The following BCL2 variants were observed in gnomAD, a reference collection of about 807,000 sequenced individuals.
The protein encoded by BCL2 is BCL2 apoptosis regulator, also known as apoptosis regulator Bcl-2.
Under a neutral mutation model 14.2 loss-of-function variants are expected in BCL2, and 1 was observed. That is an observed-to-expected ratio of 0.07 (90% confidence interval 0.02 to 0.33). The LOEUF (loss-of-function observed/expected upper bound fraction) is 0.33. Among genes scored for constraint, BCL2 ranks in the 10% least tolerant of loss-of-function variants. The probability of loss-of-function intolerance (pLI) is 0.99; values close to 1 mark genes in which losing one functional copy is unlikely to be tolerated. For missense variants in BCL2, 247 were observed against 305.9 expected (o/e 0.81, Z 1.44); for synonymous variants, 151 against 137.2 (o/e 1.10, Z -0.70).
At chr18:63,267,471 A>G (rs1568252474) in intron 2 of BCL2, among the ~76,000 whole-genome samples, 1 of 152,164 alleles carries the variant, frequency 6.6e-6, no homozygotes, top group Non-Finnish European at 1.5e-5. Context: ...GGACAGAAGA[A>G]AGAATTGAGG....
At chr18:63,221,393 A>C (rs957870230) in intron 2 of BCL2, among the ~76,000 whole-genome samples, 5 of 152,200 alleles carry the variant, frequency 3.3e-5, no homozygotes, top group Admixed American at 6.5e-5. Flanking sequence ...ATTCCCAAGA[A>C]AATATCACAG....
intron 2 of BCL2, among the ~76,000 whole-genome samples, chr18:63,165,966 C>T (rs1454516265): frequency 6.6e-6 from 1 of 152,248 alleles, no homozygotes; most frequent in African/African-American, 2.4e-5. Context: ...CGCTTTAAAG[C>T]TGTGCCGTCT....
chr18:63,248,065 G>A (rs1911203430), intron 2 of BCL2, among the ~76,000 whole-genome samples: 1 of 152,214 alleles, frequency 6.6e-6, no homozygotes, highest in South Asian at 2.1e-4. Flanking sequence ...AGCATGTGCT[G>A]ACTGACTCCC....
At chr18:63,148,658 T>TA (rs1791149423) in intron 2 of BCL2, among the ~76,000 whole-genome samples, 1 of 149,454 alleles carries the variant, frequency 6.7e-6, no homozygotes, top group Non-Finnish European at 1.5e-5. Context: ...TGGAATGTAG[T>TA]AGGAAAAAAA....
At chr18:63,178,141 C>T (rs1285814993) in intron 2 of BCL2, among the ~76,000 whole-genome samples, 1 of 152,190 alleles carries the variant, frequency 6.6e-6, no homozygotes, top group African/African-American at 2.4e-5. Context: ...TTGGTTATGG[C>T]AGAAACTACC....
chr18:63,187,730 C>A (rs1425932987), intron 2 of BCL2, among the ~76,000 whole-genome samples: 2 of 152,200 alleles, frequency 1.3e-5, no homozygotes, highest in African/African-American at 2.4e-5. Flanking sequence ...CTCTACATGG[C>A]CACCCTGGGG....
chr18:63,244,271 G>A (rs564763896), intron 2 of BCL2, among the ~76,000 whole-genome samples: 6 of 152,110 alleles, frequency 3.9e-5, no homozygotes, highest in East Asian at 1.9e-4. Context: ...CCAGCTACTC[G>A]GGAGGCTGAG....
At chr18:63,174,234 C>T (rs1915295814) in intron 2 of BCL2, among the ~76,000 whole-genome samples, 1 of 152,094 alleles carries the variant, frequency 6.6e-6, no homozygotes, top group South Asian at 2.1e-4. Context: ...TACCTACTTC[C>T]TAGGTTAGCA....
chr18:63,124,230 A>AT lies in BCL2; in HGVS notation c.*4394dup, dbSNP rs45489598. ...GTTTCACATTGCTTAATTTTATAAA[A>AT]TTTTTTTCTGTATTGTACATAATAA... On this transcript the variant is annotated 3_prime_UTR_variant, in exon 3 of 3. Coordinates refer to ENST00000333681, the MANE Select transcript of BCL2 (RefSeq NM_000633.3). 4.5e-6 allele frequency: 1 copy of AT among 223,390 alleles called. No individual in the cohort carries two copies. Among genetic ancestry groups the AT allele is most frequent in the Non-Finnish European group, 8.9e-6 (1 of 111,952 alleles). The allele number at this position is 223,390 out of a possible 1,614,324, so 13.8% of individuals were successfully genotyped here.
intron 2 of BCL2, among the ~76,000 whole-genome samples, chr18:63,248,737 C>A (rs1455735773): frequency 6.6e-6 from 1 of 152,228 alleles, no homozygotes; most frequent in Admixed American, 6.5e-5. Context: ...GGCATCCCTG[C>A]TATTAGCCAT....
intron 2 of BCL2, among the ~76,000 whole-genome samples, chr18:63,259,814 T>C (rs1911602745): frequency 6.6e-6 from 1 of 152,236 alleles, no homozygotes; most frequent in Admixed American, 6.5e-5. Flanking sequence ...GAATCTATAT[T>C]GAACAGAAAG....
intron 2 of BCL2, among the ~76,000 whole-genome samples, chr18:63,258,313 G>T (rs1317626533): frequency 6.6e-6 from 1 of 152,160 alleles, no homozygotes; most frequent in East Asian, 1.9e-4. Flanking sequence ...AGCAGCCCTA[G>T]AAAACTAGTA....
At chr18:63,319,064 T>C in intron 1 of BCL2, 110 bp downstream of exon 1, 1 of 1,079,736 alleles carries the variant, frequency 9.3e-7, no homozygotes, top group East Asian at 4.9e-5. Context: ...CTAAAAAGAA[T>C]GTATTAAGCT....
intron 2 of BCL2, among the ~76,000 whole-genome samples, chr18:63,215,314 A>G (rs767698830): frequency 2.0e-5 from 3 of 152,258 alleles, no homozygotes; most frequent in African/African-American, 2.4e-5. Context: ...TAATCAAGTC[A>G]TCTCACGTCC....
At chr18:63,214,520 G>A (rs1318396564) in intron 2 of BCL2, among the ~76,000 whole-genome samples, 1 of 152,076 alleles carries the variant, frequency 6.6e-6, no homozygotes, top group Non-Finnish European at 1.5e-5. Flanking sequence ...ATGTTGAAAA[G>A]TCACCTGTGA....
intron 2 of BCL2, among the ~76,000 whole-genome samples, chr18:63,187,967 C>T (rs1915628942): frequency 6.6e-6 from 1 of 152,142 alleles, no homozygotes; most frequent in African/African-American, 2.4e-5. Flanking sequence ...TCCATTTGGC[C>T]CCTGCTCATA....
intron 2 of BCL2, among the ~76,000 whole-genome samples, chr18:63,274,277 C>CTTT (rs74169950): frequency 0.015 from 1,343 of 86,668 alleles, 18 homozygotes; most frequent in Non-Finnish European, 0.018. Flanking sequence ...TAAAGATACT[C>CTTT]TTTTTTTTTT....
chr18:63,187,483 G>A (rs760415032), intron 2 of BCL2, among the ~76,000 whole-genome samples: 4 of 152,196 alleles, frequency 2.6e-5, no homozygotes, highest in South Asian at 4.1e-4. Flanking sequence ...TCAGGACTCC[G>A]TGTAGTTATC....
intron 2 of BCL2, among the ~76,000 whole-genome samples, chr18:63,198,329 G>GAC (rs751075739): frequency 3.1e-5 from 4 of 130,286 alleles, no homozygotes; most frequent in Admixed American, 7.7e-5. Context: ...CAGACACAGA[G>GAC]ACACACACAC....
Sources: allele counts gnomAD v4.1 joint callset (sites outside exome capture counted in the v4.1 genomes callset), GRCh38; gene constraint gnomAD v4.1.1; transcripts MANE v1.5; gene names NCBI Gene and HGNC (gene_info 2026-07-23, HGNC 2026-07-21).